The following ADGRF1 variants were observed in gnomAD, a reference collection of about 807,000 sequenced individuals.
ADGRF1 encodes G protein-coupled receptor 110.
A neutral mutation model predicts 87.2 loss-of-function variants in ADGRF1; 85 were observed. The ratio of observed to expected loss-of-function variants is 0.97; its 90% confidence interval spans 0.82 to 1.17. The LOEUF is 1.17. Ranked by LOEUF, ADGRF1 falls within the 50% of genes most tolerant of loss-of-function variation. The probability of loss-of-function intolerance (pLI) is 0.00; values close to 1 mark genes in which losing one functional copy is unlikely to be tolerated. For missense variants in ADGRF1, 1,169 were observed against 1,077.2 expected (o/e 1.09, Z -1.19); for synonymous variants, 430 against 408.8 (o/e 1.05, Z -0.63).
rs1200209032 is a variant in ADGRF1, at chr6:47,014,797, A to AT, written c.810dup (p.Tyr271IlefsTer18). 2.5e-6 allele frequency: 4 copies of AT among 1,613,844 alleles called. No homozygotes were observed. The highest frequency in any genetic ancestry group is 3.4e-6 in the Non-Finnish European group (4 of 1,179,836). On this transcript the variant is annotated frameshift_variant, in exon 9 of 15. Transcript: ENST00000371253. LOFTEE classifies it high-confidence loss of function. ...TAGCCACTGCTGCAGGGCAGGGTATATTCATCATCCTTGGACCCAAATCCA... is the reference window on the plus strand; with the variant it reads ...TAGCCACTGCTGCAGGGCAGGGTATATTTCATCATCCTTGGACCCAAATCCA...
At chr6:47,036,312 G>A (rs376719480) in intron 1 of ADGRF1, among the ~76,000 whole-genome samples, 40 of 152,206 alleles carry the variant, frequency 2.6e-4, no homozygotes, top group East Asian at 1.5e-3. Flanking sequence ...ACCTGGTGAC[G>A]GGATCATTTG....
intron 1 of ADGRF1, among the ~76,000 whole-genome samples, chr6:47,039,025 T>G (rs1003802907): frequency 6.6e-6 from 1 of 152,252 alleles, no homozygotes; most frequent in African/African-American, 2.4e-5. Context: ...GGTGTGAATC[T>G]GTTGTACTAT....
intron 2 of ADGRF1, among the ~76,000 whole-genome samples, 197 bp downstream of exon 2, chr6:47,028,796 C>T (rs77084883): frequency 1.1e-4 from 16 of 152,158 alleles, no homozygotes; most frequent in African/African-American, 2.9e-4. Flanking sequence ...ATCTAAGCTC[C>T]GAAGAGATGA....
chr6:47,007,018 C>CT (rs369620611), intron 12 of ADGRF1, among the ~76,000 whole-genome samples: 1 of 152,094 alleles, frequency 6.6e-6, no homozygotes, highest in Non-Finnish European at 1.5e-5. Flanking sequence ...AAGAATTCCC[C>CT]TTTTTTCCGA....
rs750199828 is a variant in ADGRF1, at chr6:47,028,999, G to A, written c.63C>T (p.Phe21=). 8.1e-6 allele frequency: 13 copies of A among 1,613,722 alleles called. No homozygotes were observed. Among genetic ancestry groups the A allele is most frequent in the Non-Finnish European group, 9.3e-6 (11 of 1,179,798 alleles). Residue 21 remains phenylalanine (F), a synonymous_variant, in exon 2 of 15, where the codon TTC becomes TTT. Transcript: ENST00000371253. ...FFTFTDGHGG[F]LGKNDGIKTK... Reference sequence around the variant, plus strand: ...AGACATAGCACCAACTCACCCCCAGGAAGCCACCGTGGCCGTCAGTGAAGG... The same window carrying A: ...AGACATAGCACCAACTCACCCCCAGAAAGCCACCGTGGCCGTCAGTGAAGG...
chr6:47,016,138 G>T (rs1779868807), intron 8 of ADGRF1, among the ~76,000 whole-genome samples: 2 of 152,166 alleles, frequency 1.3e-5, no homozygotes, highest in South Asian at 4.1e-4. Flanking sequence ...TGTTGAAAGA[G>T]AGTGGTACAA....
At position 47,022,153 on chromosome 6, in the gene ADGRF1, A is replaced by G. The variant is rs181172825; in HGVS notation, c.452-95T>C. 528 of 712,930 alleles carry G rather than the reference A, an allele frequency of 7.4e-4. 2 individuals carry two copies. The African/African-American group carries it at 8.9e-3, about 12-fold the overall frequency. 44.2% of individuals were successfully genotyped at this position (712,930 alleles called of 1,614,324 possible). A position where few individuals can be genotyped will look rare whatever the true frequency, so the allele number is the denominator to read the frequency against. On this transcript the variant is annotated intron_variant, in intron 5 of 14. Coordinates refer to ENST00000371253, the MANE Select transcript of ADGRF1 (RefSeq NM_153840.4). ...ATAGAAGTACAATTCAGAGTCATCTATTCAACAGTGATGTTTCAAATTTTT... is the reference window on the plus strand; with the variant it reads ...ATAGAAGTACAATTCAGAGTCATCTGTTCAACAGTGATGTTTCAAATTTTT...
chr6:47,012,582 T>C, intron 9 of ADGRF1: 6 of 811,458 alleles, frequency 7.4e-6, no homozygotes, highest in Non-Finnish European at 9.0e-6. Context: ...CAGAAACTCA[T>C]GTTCAATGAG....
chr6:47,015,243 T>C (rs1032492715), intron 8 of ADGRF1, among the ~76,000 whole-genome samples: 1 of 152,252 alleles, frequency 6.6e-6, no homozygotes, highest in African/African-American at 2.4e-5. Flanking sequence ...AATGTTATGG[T>C]TAAAAGATGG....
In ADGRF1 at chr6:47,007,302, A is replaced by C. The variant is rs778631994; in HGVS notation, c.2491-8T>G. 2.0e-6 allele frequency: 3 copies of C among 1,480,272 alleles called. No homozygotes were observed. Among genetic ancestry groups the C allele is most frequent in the South Asian group, 2.3e-5 (2 of 87,056 alleles). 91.7% of individuals were successfully genotyped at this position (1,480,272 alleles called of 1,614,324 possible). ...GCATAAGATAAAAAATCCCTTTAAA[A>C]AGAAAGGAATAAATCACATGTATTG... On this transcript the variant is annotated splice_polypyrimidine_tract_variant and splice_region_variant and intron_variant, in intron 11 of 14. Transcript: ENST00000371253.
At chr6:47,026,140 A>C (rs1780227247) in intron 3 of ADGRF1, 137 bp from the exon 4 acceptor site, 1 of 671,444 alleles carries the variant, frequency 1.5e-6, no homozygotes. Context: ...CCTCTCATCC[A>C]AACATGGACT....
chr6:47,032,954 G>A (rs73480761), intron 1 of ADGRF1, among the ~76,000 whole-genome samples: 1 of 152,220 alleles, frequency 6.6e-6, no homozygotes, highest in African/African-American at 2.4e-5. Context: ...TGCTTTGCGT[G>A]TGTGCAGGGT....
At chr6:47,000,646 C>G (rs1434851943) in intron 14 of ADGRF1, among the ~76,000 whole-genome samples, 2 of 152,108 alleles carry the variant, frequency 1.3e-5, no homozygotes, top group Non-Finnish European at 2.9e-5. Context: ...AAGGTAGAGA[C>G]TTGTAAAAAA....
At chr6:47,003,207 A>T (rs1220765079) in intron 13 of ADGRF1, among the ~76,000 whole-genome samples, 3 of 152,204 alleles carry the variant, frequency 2.0e-5, no homozygotes, top group Non-Finnish European at 4.4e-5. Flanking sequence ...TCAGACACAA[A>T]ACTGAGATCT....
At chr6:47,019,813 T>C (rs1779990144) in intron 7 of ADGRF1, 4 of 984,538 alleles carry the variant, frequency 4.1e-6, no homozygotes, top group Non-Finnish European at 4.8e-6. Flanking sequence ...AGCAGACAGA[T>C]TATTAATAGT....
chr6:47,019,793 TTC>T, intron 7 of ADGRF1: 1 of 985,102 alleles, frequency 1.0e-6, no homozygotes. Context: ...CTAAGCCACT[TTC>T]TCTAACAAGC....
chr6:47,000,980 G>T (rs528767554), intron 14 of ADGRF1, among the ~76,000 whole-genome samples: 3 of 152,152 alleles, frequency 2.0e-5, no homozygotes, highest in East Asian at 1.9e-4. Flanking sequence ...TTTAGTAACC[G>T]CCAATCAATG....
intron 8 of ADGRF1, among the ~76,000 whole-genome samples, chr6:47,015,094 A>G (rs1779827179): frequency 6.6e-6 from 1 of 152,198 alleles, no homozygotes; most frequent in South Asian, 2.1e-4. Context: ...TGCCAACAAT[A>G]TCACTTTTAA....
intron 11 of ADGRF1, 47 bp from the exon 12 acceptor site, chr6:47,007,341 C>A: frequency 8.3e-7 from 1 of 1,208,542 alleles, no homozygotes; most frequent in Non-Finnish European, 1.2e-6. Flanking sequence ...TTTTCTTTTC[C>A]AAAAAAGAAA....
Sources: allele counts gnomAD v4.1 joint callset (sites outside exome capture counted in the v4.1 genomes callset), GRCh38; gene constraint gnomAD v4.1.1; transcripts MANE v1.5; gene names NCBI Gene and HGNC (gene_info 2026-07-23, HGNC 2026-07-21).